Variants in ATXN7L1 observed in about 807,000 individuals in gnomAD.
The protein encoded by ATXN7L1 is ataxin 7 like 1, also known as ataxin-7-like protein 1.
A neutral mutation model predicts 70.8 loss-of-function variants in ATXN7L1; 15 were observed. The ratio of observed to expected loss-of-function variants is 0.21; its 90% CI spans 0.14 to 0.33. The LOEUF is 0.33. Among genes scored for constraint, ATXN7L1 ranks in the 10% least tolerant of loss-of-function variants. The pLI, the probability that ATXN7L1 is intolerant of heterozygous loss-of-function variation, is 1.00. For missense variants in ATXN7L1, 975 were observed against 1,097.1 expected (o/e 0.89, Z 1.57); for synonymous variants, 440 against 445.1 (o/e 0.99, Z 0.14).
At chr7:105,844,942 T>C (rs1813754768) in intron 2 of ATXN7L1, among the ~76,000 whole-genome samples, 2 of 152,250 alleles carry the variant, frequency 1.3e-5, no homozygotes, top group African/African-American at 2.4e-5. Context: ...AGGTGACTTA[T>C]GCCTTTAATC....
chr7:105,871,003 GC>G (rs1435916033), intron 2 of ATXN7L1, among the ~76,000 whole-genome samples: 12 of 151,162 alleles, frequency 7.9e-5, no homozygotes, highest in Admixed American at 7.2e-4. Context: ...AGTGATTTTT[GC>G]CACCAAGAAG....
intron 3 of ATXN7L1, among the ~76,000 whole-genome samples, chr7:105,759,693 T>C (rs906928086): frequency 6.6e-6 from 1 of 152,120 alleles, no homozygotes. Context: ...CTGAAACCAA[T>C]TATCCATGGC....
At chr7:105,666,963 C>G (rs947355385) in intron 3 of ATXN7L1, among the ~76,000 whole-genome samples, 4 of 152,146 alleles carry the variant, frequency 2.6e-5, no homozygotes, top group African/African-American at 4.8e-5. Flanking sequence ...AAGTGGGTCC[C>G]TAGATGGCTT....
intron 2 of ATXN7L1, among the ~76,000 whole-genome samples, chr7:105,856,412 C>T (rs963148970): frequency 5.3e-5 from 8 of 151,808 alleles, no homozygotes; most frequent in Non-Finnish European, 7.4e-5. Flanking sequence ...ATGGTGAAAC[C>T]CTGTTTCTAT....
At chr7:105,694,580 C>T (rs1034458917) in intron 3 of ATXN7L1, among the ~76,000 whole-genome samples, 2 of 152,214 alleles carry the variant, frequency 1.3e-5, no homozygotes, top group Admixed American at 1.3e-4. Context: ...TTCTGATGTC[C>T]AATCCTGGGT....
At chr7:105,718,420 C>T (rs555403702) in intron 3 of ATXN7L1, among the ~76,000 whole-genome samples, 4 of 152,202 alleles carry the variant, frequency 2.6e-5, no homozygotes, top group Admixed American at 6.5e-5. Context: ...TCCACTTCCA[C>T]CTTCAGGATG....
At chr7:105,664,500 T>TATATATATAC (rs1304680536) in intron 4 of ATXN7L1, among the ~76,000 whole-genome samples, 7 of 146,612 alleles carry the variant, frequency 4.8e-5, no homozygotes, top group African/African-American at 1.7e-4. Flanking sequence ...ATATGTATAA[T>TATATATATAC]ATATGTATAA....
intron 3 of ATXN7L1, among the ~76,000 whole-genome samples, chr7:105,714,489 C>A (rs151139682): frequency 1.3e-5 from 2 of 152,174 alleles, no homozygotes; most frequent in East Asian, 3.9e-4. Flanking sequence ...ATAATAAGAC[C>A]ATATTACTAT....
intron 3 of ATXN7L1, among the ~76,000 whole-genome samples, chr7:105,716,667 A>G (rs1241996329): frequency 2.0e-3 from 7 of 3,544 alleles, no homozygotes; most frequent in South Asian, 0.012. Context: ...CTATCTCTGC[A>G]CACACACACA....
intron 3 of ATXN7L1, among the ~76,000 whole-genome samples, chr7:105,754,799 T>C (rs917615569): frequency 2.0e-5 from 3 of 152,200 alleles, no homozygotes; most frequent in Non-Finnish European, 2.9e-5. Flanking sequence ...ACTGAGCACC[T>C]ACTATGTGCC....
chr7:105,622,833 G>C (rs1795129996), intron 8 of ATXN7L1, among the ~76,000 whole-genome samples: 2 of 152,196 alleles, frequency 1.3e-5, no homozygotes, highest in Admixed American at 1.3e-4. Context: ...TTTCCAACCT[G>C]AGTAGCACAC....
chr7:105,638,167 C>A (rs2115896400), intron 7 of ATXN7L1, among the ~76,000 whole-genome samples, 186 bp downstream of exon 7: 1 of 152,326 alleles, frequency 6.6e-6, no homozygotes, highest in Admixed American at 6.5e-5. Flanking sequence ...ATCTGTTGAA[C>A]ACTATGTGGC....
At chr7:105,868,366 T>TGTCCCTAG in intron 2 of ATXN7L1, among the ~76,000 whole-genome samples, 1 of 152,308 alleles carries the variant, frequency 6.6e-6, no homozygotes, top group Middle Eastern at 3.4e-3. Flanking sequence ...TCTAGCCCAG[T>TGTCCCTAG]TCTGGCACGT....
At chr7:105,865,535 G>C (rs1402191882) in intron 2 of ATXN7L1, among the ~76,000 whole-genome samples, 1 of 151,936 alleles carries the variant, frequency 6.6e-6, no homozygotes, top group Non-Finnish European at 1.5e-5. Flanking sequence ...CTGAGCAGCT[G>C]GGACTACAGG....
intron 5 of ATXN7L1, among the ~76,000 whole-genome samples, chr7:105,641,212 CTCTTTTTTTT>C (rs1202418600): frequency 4.7e-5 from 3 of 64,024 alleles, no homozygotes; most frequent in Admixed American, 3.7e-4. Context: ...CTCTCTCTCT[CTCTTTTTTTT>C]TTTTTTTTTT....
chr7:105,658,240 T>A (rs1801004612), intron 4 of ATXN7L1, among the ~76,000 whole-genome samples: 1 of 149,310 alleles, frequency 6.7e-6, no homozygotes, highest in Non-Finnish European at 1.5e-5. Context: ...AAGTGACCAG[T>A]TCCACTTTTC....
At chr7:105,761,831 T>C (rs1228598894) in intron 3 of ATXN7L1, among the ~76,000 whole-genome samples, 1 of 152,226 alleles carries the variant, frequency 6.6e-6, no homozygotes, top group Non-Finnish European at 1.5e-5. Context: ...TTATAGCTCT[T>C]AATACATGGA....
chr7:105,836,156 T>A (rs941213000), intron 2 of ATXN7L1, among the ~76,000 whole-genome samples: 17 of 152,004 alleles, frequency 1.1e-4, no homozygotes, highest in South Asian at 2.1e-4. Context: ...AGAAGGGGCA[T>A]GGGATGGCAC....
chr7:105,609,664 G>A (rs1001420673), intron 11 of ATXN7L1, among the ~76,000 whole-genome samples: 25 of 151,368 alleles, frequency 1.7e-4, no homozygotes, highest in African/African-American at 5.8e-4. Context: ...GTCTCACCAT[G>A]TTCCTTAGGC....
Sources: gnomAD v4.1 joint callset for allele counts (sites outside exome capture counted in the v4.1 genomes callset) on GRCh38, gnomAD v4.1.1 for gene constraint, MANE v1.5 for transcripts, NCBI Gene and HGNC (gene_info 2026-07-23, HGNC 2026-07-21) for gene names.